The following ETNPPL variants were observed in gnomAD, a reference collection of about 807,000 sequenced individuals.
ETNPPL encodes the protein ethanolamine-phosphate phospho-lyase, also known as alanine--glyoxylate aminotransferase 2-like 1.
Under a neutral mutation model 55.5 loss-of-function variants are expected in ETNPPL, and 30 were observed. The observed-to-expected ratio is 0.54, with a 90% CI of 0.40 to 0.73. The LOEUF (loss-of-function observed/expected upper bound fraction) is 0.73. Ranked by LOEUF, ETNPPL falls within the 30% of genes least tolerant of loss-of-function variation. The probability of loss-of-function intolerance (pLI) is 0.00; values close to 1 mark genes in which losing one functional copy is unlikely to be tolerated. For synonymous variants in ETNPPL, 202 were observed against 207.2 expected, an observed-to-expected ratio of 0.98 and a Z score of 0.21; for missense variants, 528 against 607.9, an observed-to-expected ratio of 0.87 and a Z score of 1.38.
In ETNPPL at chr4:108,746,321, C is replaced by T. The variant is rs1010476305; in HGVS notation, c.1303+78G>A. 1.2e-4 allele frequency: 160 copies of T among 1,369,646 alleles called. 1 individual carries two copies. The highest frequency in any genetic ancestry group is 3.4e-4 in the Admixed American group (14 of 40,788). The allele number at this position is 1,369,646 out of a possible 1,614,324, so 84.8% of individuals were successfully genotyped here. On this transcript the variant is annotated intron_variant, in intron 11 of 12. Transcript: ENST00000296486. ...TCATGAATAACAAGATGCATATGCTCATTATGACTAGACCAGGGTTTGAGG... is the reference window on the plus strand; with the variant it reads ...TCATGAATAACAAGATGCATATGCTTATTATGACTAGACCAGGGTTTGAGG...
chr4:108,748,010 ATC>A lies in ETNPPL; in HGVS notation c.1075_1076del (p.Asp359TyrfsTer2). ...KQKAKHTLIGDIRGIGLFIGI... is the reference protein window; with the variant it reads ...KQKAKHTLIGXIRGIGLFIGI... ...CAACTTCATAATGAACATACCTAATATCTCCTATCAAAGTGTGTTTAGCCTTC... is the reference window on the plus strand; with the variant it reads ...CAACTTCATAATGAACATACCTAATATCCTATCAAAGTGTGTTTAGCCTTC... On this transcript the variant is annotated frameshift_variant, in exon 9 of 13. Transcript: ENST00000296486. LOFTEE classifies it high-confidence loss of function. 6.2e-7 allele frequency: 1 copy of A among 1,607,788 alleles called. No homozygotes were observed. The highest frequency in any genetic ancestry group is 8.5e-7 in the Non-Finnish European group (1 of 1,177,308).
Position 108,753,785 on chromosome 4 carries a change from AAAG to A in ETNPPL, c.502-777_502-775del, listed in dbSNP as rs1560656400. Among the ~76,000 whole-genome samples the A allele has an allele frequency of 0.019, 2,161 of 116,550 alleles. 116 individuals carry two copies. In the East Asian group the frequency reaches 0.19, roughly 10 times the overall value. The allele number at this position is 116,550 out of a possible 152,430, so 76.5% of individuals were successfully genotyped here. A position where few individuals can be genotyped will look rare whatever the true frequency, so the allele number is the denominator to read the frequency against. On this transcript the variant is annotated intron_variant, in intron 5 of 12. Coordinates refer to ENST00000296486, the MANE Select transcript of ETNPPL (RefSeq NM_031279.4). ...GAAAGAAAGAAAGAAAGAAAGAAAG[AAAG>A]AAAGAAAGAAAGAAAGAAAAGAGAA...
At chr4:108,750,623 A>ATTTT (rs1304381663) in intron 7 of ETNPPL, among the ~76,000 whole-genome samples, 1 of 130,784 alleles carries the variant, frequency 7.6e-6, no homozygotes, top group Non-Finnish European at 1.5e-5. Context: ...GGATATATAT[A>ATTTT]TATCCTATTA....
intron 1 of ETNPPL, chr4:108,762,598 C>A (rs1254257847): frequency 1.6e-6 from 1 of 630,690 alleles, no homozygotes; most frequent in East Asian, 2.7e-5. Flanking sequence ...CGCTAGTCCG[C>A]CGGCTGCAGA....
At chr4:108,753,152 C>T in intron 5 of ETNPPL, 141 bp from the exon 6 acceptor site, 1 of 588,160 alleles carries the variant, frequency 1.7e-6, no homozygotes, top group South Asian at 2.3e-5. Context: ...CTTTTTTTCC[C>T]TTAACATTTC....
At position 108,753,793 on chromosome 4, in the gene ETNPPL, AAAG is replaced by A. The variant is rs879771935; in HGVS notation, c.502-785_502-783del. ...GAAAGAAAGAAAGAAAGAAAGAAAG[AAAG>A]AAAGAAAGAAAAGAGAAGAAAAGAA... On this transcript the variant is annotated intron_variant, in intron 5 of 12. Transcript: ENST00000296486. Among the ~76,000 whole-genome samples, 1,329 of 112,768 alleles carry A rather than the reference AAAG, an allele frequency of 0.012. 41 individuals carry two copies. The East Asian group carries it at 0.14, about 12-fold the overall frequency. 74.0% of individuals were successfully genotyped at this position (112,768 alleles called of 152,430 possible). A position where few individuals can be genotyped will look rare whatever the true frequency, so the allele number is the denominator to read the frequency against.
chr4:108,751,497 G>A (rs1223687637), intron 6 of ETNPPL, among the ~76,000 whole-genome samples: 7 of 152,298 alleles, frequency 4.6e-5, no homozygotes, highest in East Asian at 1.9e-4. Flanking sequence ...TTACTGTGCC[G>A]TATTTCTAGG....
intron 8 of ETNPPL, 46 bp from the exon 9 acceptor site, chr4:108,748,205 A>G (rs1178204253): frequency 6.9e-7 from 1 of 1,459,028 alleles, no homozygotes; most frequent in Non-Finnish European, 9.2e-7. Context: ...CAGTTGAATG[A>G]GTGGTATTCC....
At chr4:108,757,868 G>A (rs538245925) in intron 3 of ETNPPL, among the ~76,000 whole-genome samples, 14 of 152,002 alleles carry the variant, frequency 9.2e-5, no homozygotes, top group East Asian at 1.9e-4. Context: ...TTGGGAAGCC[G>A]AGCCAGGCAC....
intron 3 of ETNPPL, among the ~76,000 whole-genome samples, chr4:108,759,098 C>T (rs1363090540): frequency 2.0e-5 from 3 of 152,020 alleles, no homozygotes; most frequent in Non-Finnish European, 4.4e-5. Context: ...ATTTGAGTTT[C>T]CTTCTTTTTT....
chr4:108,758,817 G>A (rs1294341794), intron 3 of ETNPPL, among the ~76,000 whole-genome samples: 2 of 152,188 alleles, frequency 1.3e-5, no homozygotes, highest in Non-Finnish European at 2.9e-5. Flanking sequence ...CTGGGAGGCC[G>A]AGGCGGGTGG....
chr4:108,746,860 G>A lies in ETNPPL; in HGVS notation c.1083-9C>T. 6.2e-7 allele frequency: 1 copy of A among 1,607,208 alleles called. No individual in the cohort carries two copies. Reference sequence around the variant, plus strand: ...TAAAAAGGCCAATGCCCCTGCGAGAGGTGAAGAAAAACTTGACCCACAATC... The same window carrying A: ...TAAAAAGGCCAATGCCCCTGCGAGAAGTGAAGAAAAACTTGACCCACAATC... On this transcript the variant is annotated splice_polypyrimidine_tract_variant and intron_variant, in intron 9 of 12. Coordinates refer to ENST00000296486, the MANE Select transcript of ETNPPL (RefSeq NM_031279.4).
intron 3 of ETNPPL, among the ~76,000 whole-genome samples, 190 bp downstream of exon 3, chr4:108,759,559 T>C (rs538569682): frequency 2.0e-5 from 3 of 152,298 alleles, no homozygotes; most frequent in South Asian, 2.1e-4. Context: ...ATCAGTTAGA[T>C]TCACAGTCGT....
rs1728971810 is a variant in ETNPPL, at chr4:108,752,743, A to G, written c.618+152T>C. The G allele has an allele frequency of 2.1e-5, 13 of 629,272 alleles. No homozygotes were observed. The South Asian group carries it at 2.6e-4, about 13-fold the overall frequency. The allele number at this position is 629,272 out of a possible 1,614,324, so 39.0% of individuals were successfully genotyped here. A position where few individuals can be genotyped will look rare whatever the true frequency, so the allele number is the denominator to read the frequency against. Reference sequence around the variant, plus strand: ...CTTAGAGGCATGATTGTAATAACGCATTTTTGAAATTTGAATCAAGTGAAA... The same window carrying G: ...CTTAGAGGCATGATTGTAATAACGCGTTTTTGAAATTTGAATCAAGTGAAA... On this transcript the variant is annotated intron_variant, in intron 6 of 12. Coordinates refer to ENST00000296486, the MANE Select transcript of ETNPPL (RefSeq NM_031279.4).
Position 108,752,922 on chromosome 4 carries a change from A to G in ETNPPL, c.591T>C (p.Ile197=). 6.2e-7 allele frequency: 1 copy of G among 1,607,970 alleles called. No individual in the cohort carries two copies. Among genetic ancestry groups the G allele is most frequent in the Admixed American group, 1.7e-5 (1 of 59,896 alleles). Residue 197 remains isoleucine, a synonymous_variant, in exon 6 of 13, where the codon ATT becomes ATC. Coordinates refer to ENST00000296486, the MANE Select transcript of ETNPPL (RefSeq NM_031279.4). ...TCCTTCCACTGTTATGAGCATCTTCAATGATTTTCTTCACTTCATCTGCAT... is the reference window on the plus strand; with the variant it reads ...TCCTTCCACTGTTATGAGCATCTTCGATGATTTTCTTCACTTCATCTGCAT... ...SAYADEVKKI[I]EDAHNSGRKI... is the part of the protein sequence containing the mutation.
Position 108,754,700 on chromosome 4 carries a change from C to T in ETNPPL, c.421G>A (p.Gly141Ser). ...DVITLDHAYH[G>S]HLSSLIEISP... ...ATCTCAATTAAGGATGATAGGTGAC[C>T]ATGGTAAGCACTGAAGAGACAAAGA... The change falls in exon 5 of 13, where the codon GGT becomes AGT. Residue 141 changes from glycine (G) to serine (S), a missense_variant. Coordinates refer to ENST00000296486, the MANE Select transcript of ETNPPL (RefSeq NM_031279.4). 1 of 1,577,604 alleles carries T rather than the reference C, an allele frequency of 6.3e-7. No individual in the cohort carries two copies. The highest frequency in any genetic ancestry group is 8.7e-7 in the Non-Finnish European group (1 of 1,150,536).
chr4:108,754,624 T>C lies in ETNPPL; in HGVS notation c.497A>G (p.His166Arg), dbSNP rs1729110207. 2 of 1,488,646 alleles carry C rather than the reference T, an allele frequency of 1.3e-6. No homozygotes were observed. The highest frequency in any genetic ancestry group is 1.4e-5 in the African/African-American group (1 of 72,140). 92.2% of individuals were successfully genotyped at this position (1,488,646 alleles called of 1,614,324 possible). The change falls in exon 5 of 13, where the codon CAT (histidine) becomes CGT (arginine). Residue 166 changes from histidine to arginine, a missense_variant. His to Arg is a conservative substitution (Grantham distance 29, BLOSUM62 0). Coordinates refer to ENST00000296486, the MANE Select transcript of ETNPPL (RefSeq NM_031279.4). ...KGKDVKKEFV[H>R]VAPTPDTYRG... ...TTAGGATTTTAAGACACTTACCACA[T>C]GTACAAATTCTTTTTTGACATCTTT...
chr4:108,754,055 C>G lies in ETNPPL; in HGVS notation c.501+565G>C, dbSNP rs189746342. Among the ~76,000 whole-genome samples, 303 of 149,376 alleles carry G rather than the reference C, an allele frequency of 2.0e-3. 1 individual carries two copies. The highest frequency in any genetic ancestry group is 7.2e-3 in the African/African-American group (291 of 40,480). ...GTGGCACGATCTTGGCTCACTGCAA[C>G]CTCCACCTCCCAGGTTCAAGCGATT... On this transcript the variant is annotated intron_variant, in intron 5 of 12. Coordinates refer to ENST00000296486, the MANE Select transcript of ETNPPL (RefSeq NM_031279.4).
intron 3 of ETNPPL, among the ~76,000 whole-genome samples, chr4:108,757,997 T>C (rs1729302717): frequency 6.9e-6 from 1 of 144,908 alleles, no homozygotes; most frequent in Non-Finnish European, 1.5e-5. Context: ...TTTTCATATA[T>C]ATTTCTTTCT....
Sources: allele counts gnomAD v4.1 joint callset (sites outside exome capture counted in the v4.1 genomes callset), GRCh38; gene constraint gnomAD v4.1.1; transcripts MANE v1.5; gene names NCBI Gene and HGNC (gene_info 2026-07-23, HGNC 2026-07-21).